FGF1: variants seen among roughly 807,000 people sequenced by gnomAD.
The protein encoded by FGF1 is fibroblast growth factor 1.
A neutral mutation model predicts 13.4 loss-of-function variants in FGF1; 9 were observed. That is an observed-to-expected ratio of 0.67 (90% CI 0.40 to 1.17). FGF1 has a LOEUF of 1.17. FGF1 is among the 50% of genes most tolerant of loss of function. The pLI is 0.01. For missense variants in FGF1, 156 were observed against 192.7 expected (o/e 0.81, Z 1.13); for synonymous variants, 93 against 79.0 (o/e 1.18, Z -0.94).
chr5:142,657,352 C>T (rs1768347210), intron 1 of FGF1, among the ~76,000 whole-genome samples: 1 of 152,224 alleles, frequency 6.6e-6, no homozygotes, highest in Non-Finnish European at 1.5e-5. Flanking sequence ...GCCCATCCAC[C>T]TGCTCCCGCC....
At chr5:142,630,779 G>A (rs1763250600) in intron 1 of FGF1, among the ~76,000 whole-genome samples, 1 of 152,152 alleles carries the variant, frequency 6.6e-6, no homozygotes, top group Non-Finnish European at 1.5e-5. Context: ...GGCAGCTAAA[G>A]TACCACCACC....
intron 1 of FGF1, among the ~76,000 whole-genome samples, chr5:142,629,891 ATATATT>A (rs1204756521): frequency 2.0e-5 from 2 of 100,124 alleles, no homozygotes; most frequent in African/African-American, 7.0e-5. Flanking sequence ...ATATATATAT[ATATATT>A]TTTTTTTTTT....
chr5:142,659,769 GGGGT>G (rs1768856183), intron 1 of FGF1, among the ~76,000 whole-genome samples: 1 of 152,236 alleles, frequency 6.6e-6, no homozygotes, highest in South Asian at 2.1e-4. Flanking sequence ...ACACAGCTGA[GGGGT>G]GCCATTGTTG....
intron 2 of FGF1, among the ~76,000 whole-genome samples, chr5:142,608,131 G>A (rs970952325): frequency 6.6e-6 from 1 of 152,168 alleles, no homozygotes; most frequent in African/African-American, 2.4e-5. Flanking sequence ...GCATCTTCCT[G>A]TCCCATCCCA....
At chr5:142,678,679 GC>G (rs1035976284) in intron 1 of FGF1, among the ~76,000 whole-genome samples, 1 of 152,156 alleles carries the variant, frequency 6.6e-6, no homozygotes, top group Non-Finnish European at 1.5e-5. Flanking sequence ...CTGAATGCAC[GC>G]CTGCTCCTGC....
At chr5:142,662,747 G>A (rs999667110) in intron 1 of FGF1, among the ~76,000 whole-genome samples, 3 of 152,160 alleles carry the variant, frequency 2.0e-5, no homozygotes, top group Non-Finnish European at 1.5e-5. Flanking sequence ...AAGGAAACCT[G>A]TAGGTAGCAC....
At chr5:142,666,279 T>TAC (rs70991775) in intron 1 of FGF1, among the ~76,000 whole-genome samples, 14,949 of 62,470 alleles carry the variant, frequency 0.24, 1,540 homozygotes, top group South Asian at 0.31. Context: ...GAGCATGTAA[T>TAC]ACACACACAC....
intron 2 of FGF1, among the ~76,000 whole-genome samples, chr5:142,611,881 C>T (rs1759132415): frequency 1.3e-5 from 2 of 152,106 alleles, no homozygotes. Context: ...TTACCATATG[C>T]TAGGCTGATT....
intron 1 of FGF1, among the ~76,000 whole-genome samples, chr5:142,631,172 T>C (rs985050076): frequency 2.0e-5 from 3 of 152,242 alleles, no homozygotes; most frequent in Non-Finnish European, 4.4e-5. Context: ...TTTGTTGTGA[T>C]GAACTTTGCT....
chr5:142,638,316 A>T (rs1189169950), intron 1 of FGF1, among the ~76,000 whole-genome samples: 1 of 151,928 alleles, frequency 6.6e-6, no homozygotes, highest in Non-Finnish European at 1.5e-5. Flanking sequence ...CAACAATGCC[A>T]CCACCTCCAC....
intron 1 of FGF1, among the ~76,000 whole-genome samples, chr5:142,627,960 G>A (rs1297739094): frequency 6.6e-6 from 1 of 152,078 alleles, no homozygotes. Context: ...GGCTCTCATG[G>A]TCCTGTGACC....
intron 1 of FGF1, among the ~76,000 whole-genome samples, chr5:142,645,106 G>A (rs1262372313): frequency 2.0e-5 from 3 of 152,102 alleles, no homozygotes; most frequent in Non-Finnish European, 4.4e-5. Context: ...ACCCTGGCTT[G>A]TAATGCAGTC....
chr5:142,596,806 TTG>T (rs1201745341), intron 3 of FGF1, among the ~76,000 whole-genome samples: 1 of 152,074 alleles, frequency 6.6e-6, no homozygotes, highest in Non-Finnish European at 1.5e-5. Flanking sequence ...TACCTTTACT[TTG>T]TAAAAAGAAA....
Position 142,618,922 on chromosome 5 carries a change from TTGTTTTG to T in FGF1, c.-34-4768_-34-4762del, listed in dbSNP as rs992798700. 6.0e-3 allele frequency among the ~76,000 whole-genome samples: 582 copies of T among 97,530 alleles called. 10 individuals are homozygous for T. Among genetic ancestry groups the T allele is most frequent in the East Asian group, 0.019 (55 of 2,926 alleles). The allele number at this position is 97,530 out of a possible 152,430, so 64.0% of individuals were successfully genotyped here. A position where few individuals can be genotyped will look rare whatever the true frequency, so the allele number is the denominator to read the frequency against. On this transcript the variant is annotated intron_variant, in intron 1 of 3. Coordinates refer to ENST00000337706, the MANE Select transcript of FGF1 (RefSeq NM_000800.5). ...GCAAACACTGACATTTATTTTTTAG[TTGTTTTG>T]TTTTTTTTTTTTTTTTTTTTTTTGA...
chr5:142,664,425 C>CAGCAA (rs748732779), intron 1 of FGF1, among the ~76,000 whole-genome samples: 4 of 152,174 alleles, frequency 2.6e-5, no homozygotes, highest in Admixed American at 6.5e-5. Flanking sequence ...AGTGGTGATA[C>CAGCAA]AAAAGGGCTG....
At chr5:142,614,295 C>T (rs934805069) in intron 1 of FGF1, 134 bp from the exon 2 acceptor site, 16 of 666,946 alleles carry the variant, frequency 2.4e-5, no homozygotes, top group African/African-American at 2.0e-4. Context: ...AGGTGATGCC[C>T]GCAGTCCGCG....
Position 142,623,739 on chromosome 5 carries a change from T to TA in FGF1, c.-34-9579dup, listed in dbSNP as rs201846077. On this transcript the variant is annotated intron_variant, in intron 1 of 3. Coordinates refer to ENST00000337706, the MANE Select transcript of FGF1 (RefSeq NM_000800.5). ...TTAGAAATATTTTGTGTCATTTCATTAAAAAAATTTTTTTTTTTTTTTGAG... is the reference window on the plus strand; with the variant it reads ...TTAGAAATATTTTGTGTCATTTCATTAAAAAAAATTTTTTTTTTTTTTTGAG... Among the ~76,000 whole-genome samples, 830 of 129,274 alleles carry TA rather than the reference T, an allele frequency of 6.4e-3. 3 individuals are homozygous for TA. The highest frequency in any genetic ancestry group is 0.022 in the African/African-American group (728 of 32,480). The allele number at this position is 129,274 out of a possible 152,430, so 84.8% of individuals were successfully genotyped here.
At chr5:142,688,495 C>A (rs185006704), upstream of FGF1, among the ~76,000 whole-genome samples, 234 of 152,292 alleles carry the variant, frequency 1.5e-3, 2 homozygotes, top group Non-Finnish European at 2.6e-4. Flanking sequence ...TGGAAATAGT[C>A]AGTGGAAATA....
At chr5:142,676,081 A>T (rs1438362093) in intron 1 of FGF1, among the ~76,000 whole-genome samples, 1 of 152,164 alleles carries the variant, frequency 6.6e-6, no homozygotes, top group East Asian at 1.9e-4. Context: ...GGCTCCTGAC[A>T]TGAGGATTTC....
Sources: gnomAD v4.1 joint callset for allele counts (sites outside exome capture counted in the v4.1 genomes callset) on GRCh38, gnomAD v4.1.1 for gene constraint, MANE v1.5 for transcripts, NCBI Gene and HGNC (gene_info 2026-07-23, HGNC 2026-07-21) for gene names.